CDH13: variants seen among roughly 807,000 people sequenced by gnomAD.
CDH13 encodes the protein cadherin-13.
CDH13 carries 24 observed loss-of-function variants against 63.8 expected under a neutral mutation model. The observed-to-expected ratio is 0.38, with a 90% CI of 0.27 to 0.53. The LOEUF is 0.53. CDH13 is among the 20% of genes least tolerant of loss of function. The pLI is 0.85. For missense variants in CDH13, 1,049 were observed against 903.1 expected, an observed-to-expected ratio of 1.16 and a Z score of -2.07; for synonymous variants, 503 against 355.3, an observed-to-expected ratio of 1.42 and a Z score of -4.67.
chr16:82,813,873 G>A (rs2037571263), intron 1 of CDH13, among the ~76,000 whole-genome samples: 1 of 152,146 alleles, frequency 6.6e-6, no homozygotes, highest in Admixed American at 6.5e-5. Flanking sequence ...ATGATTGTGG[G>A]ACCTTGAACA....
At chr16:83,517,771 A>C (rs773774213) in intron 7 of CDH13, among the ~76,000 whole-genome samples, 1 of 152,210 alleles carries the variant, frequency 6.6e-6, no homozygotes, top group Non-Finnish European at 1.5e-5. Context: ...ATGATTAGGA[A>C]CAAAGTGAGA....
At chr16:83,322,916 C>A (rs911388662) in intron 5 of CDH13, among the ~76,000 whole-genome samples, 3 of 152,076 alleles carry the variant, frequency 2.0e-5, no homozygotes, top group Non-Finnish European at 4.4e-5. Flanking sequence ...TTAATTGATA[C>A]TGAGTGTTTA....
At chr16:83,374,959 A>C (rs1172286309) in intron 6 of CDH13, among the ~76,000 whole-genome samples, 2 of 152,226 alleles carry the variant, frequency 1.3e-5, no homozygotes, top group Non-Finnish European at 2.9e-5. Flanking sequence ...CAACTTTTTG[A>C]TAACCGTGGG....
At chr16:83,744,180 C>G (rs1912347045) in intron 10 of CDH13, among the ~76,000 whole-genome samples, 1 of 152,126 alleles carries the variant, frequency 6.6e-6, no homozygotes, top group Non-Finnish European at 1.5e-5. Context: ...ATCCTGACAC[C>G]AAGGAGCTTA....
At chr16:83,356,212 ATGTGTGTGTGTGTGTGTG>A (rs10525181) in intron 6 of CDH13, among the ~76,000 whole-genome samples, 35,990 of 138,740 alleles carry the variant, frequency 0.26, 5,190 homozygotes, top group African/African-American at 0.41. Flanking sequence ...ATTTATTTTC[ATGTGTGTGTGTGTGTGTG>A]TGTGTGTGTG....
intron 5 of CDH13, among the ~76,000 whole-genome samples, chr16:83,242,850 C>A (rs150908136): frequency 6.6e-6 from 1 of 152,188 alleles, no homozygotes; most frequent in African/African-American, 2.4e-5. Flanking sequence ...TTCTCACTTC[C>A]CCTGACTCAG....
intron 3 of CDH13, among the ~76,000 whole-genome samples, chr16:83,115,043 G>T (rs1460650056): frequency 6.6e-6 from 1 of 152,114 alleles, no homozygotes; most frequent in African/African-American, 2.4e-5. Context: ...GTTCTCTCTG[G>T]GAAAATGTTA....
At chr16:82,826,013 C>T (rs72805997) in intron 1 of CDH13, 12,275 of 151,762 alleles carry the variant, frequency 0.081, 594 homozygotes, top group Middle Eastern at 0.12. Flanking sequence ...CCCACCACAC[C>T]GAGCTAATTT....
Position 82,718,986 on chromosome 16 carries a change from T to C in CDH13, c.45+91849T>C, listed in dbSNP as rs543226975. ...TGCATGTGGTCCGTATCTGTTCTGG[T>C]TGATTGATGCCTGTGCCTTGACATT... On this transcript the variant is annotated intron_variant, in intron 1 of 13. Coordinates refer to ENST00000567109, the MANE Select transcript of CDH13 (RefSeq NM_001257.5). 1.1e-4 allele frequency among the ~76,000 whole-genome samples: 17 copies of C among 152,310 alleles called. No individual in the cohort carries two copies. The East Asian group carries it at 2.5e-3, about 22-fold the overall frequency.
intron 7 of CDH13, among the ~76,000 whole-genome samples, chr16:83,529,719 G>T (rs1303131669): frequency 6.6e-6 from 1 of 152,002 alleles, no homozygotes; most frequent in East Asian, 1.9e-4. Context: ...GGAAAATTAT[G>T]CATAACAGAA....
At chr16:82,794,192 T>TC (rs2036465635) in intron 1 of CDH13, among the ~76,000 whole-genome samples, 1 of 151,762 alleles carries the variant, frequency 6.6e-6, no homozygotes, top group African/African-American at 2.4e-5. Context: ...TCTTTTTTTT[T>TC]TTAGTTCATC....
intron 7 of CDH13, among the ~76,000 whole-genome samples, chr16:83,501,981 A>G (rs1311228267): frequency 2.0e-5 from 3 of 152,142 alleles, no homozygotes; most frequent in Admixed American, 6.5e-5. Flanking sequence ...GAATCTGTGA[A>G]TCTGAGCTCT....
intron 6 of CDH13, among the ~76,000 whole-genome samples, chr16:83,436,675 A>G (rs958329854): frequency 3.9e-5 from 6 of 152,230 alleles, no homozygotes; most frequent in African/African-American, 1.2e-4. Flanking sequence ...TGATGTGCCA[A>G]GTAATATGTT....
intron 1 of CDH13, among the ~76,000 whole-genome samples, chr16:82,642,913 T>C (rs979781641): frequency 1.3e-5 from 2 of 152,226 alleles, no homozygotes; most frequent in African/African-American, 4.8e-5. Context: ...TTTAGGACTC[T>C]AGGGCTGAGA....
At position 83,360,940 on chromosome 16, in the gene CDH13, A is replaced by G. The variant is rs1357517515; in HGVS notation, c.781+15934A>G. The stretch of plus-strand genomic sequence containing the variant: ...ATGAGTGCATGTGTCTTTTTGGTAG[A>G]ACAATTTATTTTATTTTGGATATAT... On this transcript the variant is annotated intron_variant, in intron 6 of 13. Coordinates refer to ENST00000567109, the MANE Select transcript of CDH13 (RefSeq NM_001257.5). Among the ~76,000 whole-genome samples, 3 of 152,200 alleles carry G rather than the reference A, an allele frequency of 2.0e-5. No homozygotes were observed. In the East Asian group the frequency reaches 5.8e-4, roughly 29 times the overall value.
In CDH13 at chr16:83,323,247, C is replaced by CTTCT. The variant is rs1309774564; in HGVS notation, c.637-21612_637-21611insTTTC. ...CTTTCTTTCTTTCTTTCTTTCCTTC[C>CTTCT]TTCCTTCTTTCCATCTTTCTTGTTT... On this transcript the variant is annotated intron_variant, in intron 5 of 13. Coordinates refer to ENST00000567109, the MANE Select transcript of CDH13 (RefSeq NM_001257.5). Among the ~76,000 whole-genome samples, 316 of 120,710 alleles carry CTTCT rather than the reference C, an allele frequency of 2.6e-3. 7 individuals are homozygous for CTTCT. Among genetic ancestry groups the CTTCT allele is most frequent in the African/African-American group, 9.6e-3 (302 of 31,576 alleles). 79.2% of individuals were successfully genotyped at this position (120,710 alleles called of 152,430 possible).
chr16:82,957,665 A>G (rs773122274), intron 2 of CDH13, among the ~76,000 whole-genome samples: 6 of 152,236 alleles, frequency 3.9e-5, no homozygotes, highest in Non-Finnish European at 8.8e-5. Context: ...GTCTGGATGC[A>G]TAATCACTTA....
Position 82,815,572 on chromosome 16 carries a change from C to T in CDH13, c.46-42790C>T, listed in dbSNP as rs550298353. 2.0e-5 allele frequency among the ~76,000 whole-genome samples: 3 copies of T among 152,278 alleles called. No individual in the cohort carries two copies. The South Asian group carries it at 6.2e-4, about 32-fold the overall frequency. On this transcript the variant is annotated intron_variant, in intron 1 of 13. Transcript: ENST00000567109. ...TGGTTTCATTAAAGCCCACTGCTCT[C>T]AAAAGGCAATTCCCATGGGAATAGT... is the stretch of plus-strand genomic sequence containing the variant.
intron 5 of CDH13, among the ~76,000 whole-genome samples, chr16:83,261,494 T>C (rs558185379): frequency 6.6e-6 from 1 of 152,082 alleles, no homozygotes; most frequent in Non-Finnish European, 1.5e-5. Context: ...CAGGAATGAG[T>C]GGGGCTAGGT....
Sources: allele counts gnomAD v4.1 joint callset (sites outside exome capture counted in the v4.1 genomes callset), GRCh38; gene constraint gnomAD v4.1.1; transcripts MANE v1.5; gene names NCBI Gene and HGNC (gene_info 2026-07-23, HGNC 2026-07-21).